The following XIRP2 variants were observed in gnomAD, a reference collection of about 807,000 sequenced individuals.
The protein encoded by XIRP2 is xin actin-binding repeat-containing protein 2.
A neutral mutation model predicts 277.0 loss-of-function variants in XIRP2; 236 were observed. That is an observed-to-expected ratio of 0.85 (90% CI 0.77 to 0.95). The LOEUF (loss-of-function observed/expected upper bound fraction) is 0.95. Ranked by LOEUF, XIRP2 falls within the 40% of genes least tolerant of loss-of-function variation. XIRP2 has a pLI of 0.00. For missense variants in XIRP2, 4,640 were observed against 4,157.5 expected (o/e 1.12, Z -3.19); for synonymous variants, 1,490 against 1,416.5 (o/e 1.05, Z -1.17).
intron 3 of XIRP2, among the ~76,000 whole-genome samples, chr2:167,178,734 A>C (rs1013045715): frequency 6.6e-6 from 1 of 152,096 alleles, no homozygotes; most frequent in East Asian, 1.9e-4. Context: ...TGGACCACTC[A>C]AATTAAACTT....
intron 2 of XIRP2, among the ~76,000 whole-genome samples, chr2:167,011,589 CAT>C (rs1156776946): frequency 1.3e-5 from 2 of 151,744 alleles, no homozygotes; most frequent in Non-Finnish European, 2.9e-5. Flanking sequence ...GGCCTCATAA[CAT>C]GAGTTAGGGA....
At chr2:167,081,280 A>G (rs1232275043) in intron 2 of XIRP2, among the ~76,000 whole-genome samples, 1 of 152,112 alleles carries the variant, frequency 6.6e-6, no homozygotes, top group African/African-American at 2.4e-5. Flanking sequence ...AGCCTGGGCA[A>G]CACAGCAAGA....
chr2:167,027,353 A>G (rs1029036598), intron 2 of XIRP2, among the ~76,000 whole-genome samples: 11 of 152,096 alleles, frequency 7.2e-5, no homozygotes, highest in African/African-American at 2.2e-4. Flanking sequence ...TTTCAGCTCC[A>G]TCATCTCCTT....
chr2:166,895,704 T>C (rs1407759759), intron 1 of XIRP2, among the ~76,000 whole-genome samples: 1 of 152,190 alleles, frequency 6.6e-6, no homozygotes, highest in African/African-American at 2.4e-5. Context: ...CGTTACCCTC[T>C]GTTCATTCAT....
intron 2 of XIRP2, among the ~76,000 whole-genome samples, chr2:166,923,223 G>A (rs1041376879): frequency 4.6e-5 from 7 of 152,036 alleles, no homozygotes; most frequent in African/African-American, 1.7e-4. Flanking sequence ...AAAAGTAACT[G>A]TAAAGTTACA....
rs149693564 is a variant in XIRP2 at position 166,895,942 on chromosome 2, G to A, written c.-19+7385G>A. Among the ~76,000 whole-genome samples the A allele has an allele frequency of 2.3e-3, 349 of 152,198 alleles. 2 individuals carry two copies. The highest frequency in any genetic ancestry group is 3.5e-3 in the Non-Finnish European group (236 of 67,994). ...ATAGATATACTAAGAAGAAAACAGA[G>A]GCTTGCCTTTTACAATTAGTGGATT... On this transcript the variant is annotated intron_variant, in intron 1 of 10. Transcript: ENST00000409195.
chr2:167,210,740 G>C lies in XIRP2; in HGVS notation c.568G>C (p.Ala190Pro). 2 of 1,614,152 alleles carry C rather than the reference G, an allele frequency of 1.2e-6. No homozygotes were observed. Among genetic ancestry groups the C allele is most frequent in the South Asian group, 1.1e-5 (1 of 91,076 alleles). ...CATGCTCTGTTTGCTTTCAGCGACT[G>C]CTGGCCCTAATAAGCCTGAGAGTGG... is the stretch of plus-strand genomic sequence containing the variant. ...SGHSRIFEAT[A>P]GPNKPESGFA... is the part of the protein sequence containing the mutation. The change falls in exon 4 of 11, where the codon GCT becomes CCT. Residue 190 changes from alanine to proline, a missense_variant. Coordinates refer to ENST00000409195, the MANE Select transcript of XIRP2 (RefSeq NM_152381.6).
Position 167,244,174 on chromosome 2 carries a change from A to G in XIRP2, c.2782A>G (p.Lys928Glu), listed in dbSNP as rs200324994. Residue 928 changes from lysine to glutamate, a missense_variant, in exon 9 of 11, where the codon AAA becomes GAA. Lys to Glu is a moderately conservative substitution (Grantham distance 56). Transcript: ENST00000409195. The stretch of plus-strand genomic sequence containing the variant: ...ACCTCTGGAAGACATTAGAAAAGAT[A>G]AAAAGGAGTACACACGAACAGTGAA... Reference protein sequence around the residue: ...TQPLEDIRKDKKEYTRTVKLE... With the variant: ...TQPLEDIRKDEKEYTRTVKLE... The G allele has an allele frequency of 7.8e-5, 126 of 1,613,702 alleles. No individual in the cohort carries two copies. The highest frequency in any genetic ancestry group is 8.6e-5 in the Non-Finnish European group (102 of 1,179,874).
In XIRP2 at chr2:167,247,836, A is replaced by C. The variant is rs2105442710; in HGVS notation, c.6444A>C (p.Lys2148Asn). The C allele has an allele frequency of 1.2e-6, 2 of 1,613,490 alleles. No individual in the cohort carries two copies. Among genetic ancestry groups the C allele is most frequent in the South Asian group, 2.2e-5 (2 of 91,032 alleles). Residue 2148 changes from lysine to asparagine, a missense_variant, in exon 9 of 11, where the codon AAA (lysine) becomes AAC (asparagine). Transcript: ENST00000409195. The part of the protein sequence containing the change: ...GFHIKSPKKT[K>N]NIKILTDTQS... The stretch of plus-strand genomic sequence containing the variant: ...ATATAAAGAGTCCTAAAAAGACCAA[A>C]AATATTAAAATATTAACTGATACAC...
intron 2 of XIRP2, among the ~76,000 whole-genome samples, chr2:167,096,817 A>C (rs778208219): frequency 1.3e-5 from 2 of 152,152 alleles, no homozygotes; most frequent in Non-Finnish European, 2.9e-5. Flanking sequence ...GTAGTCACTC[A>C]GGAGCAGGTT....
At position 167,246,964 on chromosome 2, in the gene XIRP2, A is replaced by G. The variant is rs1695291352; in HGVS notation, c.5572A>G (p.Thr1858Ala). Residue 1858 changes from threonine (T) to alanine (A), a missense_variant, in exon 9 of 11, where the codon ACG (threonine) becomes GCG (alanine). Thr to Ala is a moderately conservative substitution (Grantham distance 58). Transcript: ENST00000409195. ...CCAGGCTGTAAATCAGAAAACAGTGACGAAAACAGAAGAAATTATAAAAGG... is the reference window on the plus strand; with the variant it reads ...CCAGGCTGTAAATCAGAAAACAGTGGCGAAAACAGAAGAAATTATAAAAGG... ...LSQAVNQKTV[T>A]KTEEIIKGNM... 1.2e-6 allele frequency: 2 copies of G among 1,613,608 alleles called. No individual in the cohort carries two copies. Among genetic ancestry groups the G allele is most frequent in the Non-Finnish European group, 1.7e-6 (2 of 1,179,776 alleles).
At chr2:166,936,411 G>C (rs1685502742) in intron 2 of XIRP2, among the ~76,000 whole-genome samples, 1 of 152,182 alleles carries the variant, frequency 6.6e-6, no homozygotes, top group Non-Finnish European at 1.5e-5. Flanking sequence ...AAGCTCTTTA[G>C]TTTAATTAGA....
chr2:166,894,689 G>A (rs1684196006), intron 1 of XIRP2, among the ~76,000 whole-genome samples: 1 of 152,072 alleles, frequency 6.6e-6, no homozygotes, highest in Non-Finnish European at 1.5e-5. Context: ...AATGTTAATT[G>A]AGCCCCAATT....
intron 3 of XIRP2, among the ~76,000 whole-genome samples, chr2:167,160,322 C>G (rs776707425): frequency 3.9e-5 from 6 of 152,142 alleles, no homozygotes; most frequent in Non-Finnish European, 7.4e-5. Flanking sequence ...ATTTTTTATT[C>G]TATGGATGTG....
chr2:167,002,305 A>T (rs2105457162), intron 2 of XIRP2, among the ~76,000 whole-genome samples: 1 of 152,202 alleles, frequency 6.6e-6, no homozygotes, highest in Admixed American at 6.6e-5. Context: ...AGTTTTACAA[A>T]TTCATCATGT....
rs115609598 is a variant in XIRP2 at position 166,924,190 on chromosome 2, A to G, written c.408+20300A>G. Among the ~76,000 whole-genome samples the G allele has an allele frequency of 4.2e-3, 640 of 152,190 alleles. 5 individuals are homozygous for G. Among genetic ancestry groups the G allele is most frequent in the African/African-American group, 0.014 (590 of 41,542 alleles). On this transcript the variant is annotated intron_variant, in intron 2 of 10. Coordinates refer to ENST00000409195, the MANE Select transcript of XIRP2 (RefSeq NM_152381.6). ...GGAGATCCACTTGGGAGTTCCTGCA[A>G]CTATAACAGAGACAGAAAACATTGA...
intron 3 of XIRP2, among the ~76,000 whole-genome samples, chr2:167,149,558 G>A (rs972919249): frequency 6.6e-6 from 1 of 152,058 alleles, no homozygotes; most frequent in African/African-American, 2.4e-5. Flanking sequence ...TTAGTACTTA[G>A]GCAATAGTCT....
At chr2:167,072,617 A>G (rs1196538145) in intron 2 of XIRP2, among the ~76,000 whole-genome samples, 1 of 152,168 alleles carries the variant, frequency 6.6e-6, no homozygotes, top group Non-Finnish European at 1.5e-5. Context: ...GGCACTCAAT[A>G]AATACTTCAT....
Position 167,259,315 on chromosome 2 carries a change from G to C in XIRP2, c.*1498G>C. The stretch of plus-strand genomic sequence containing the variant: ...TGGAGGTGCAGTCAGAACAACTCAC[G>C]GTGGAAGAGCAGATTAAAAGAAACA... On this transcript the variant is annotated 3_prime_UTR_variant, in exon 11 of 11. Coordinates refer to ENST00000409195, the MANE Select transcript of XIRP2 (RefSeq NM_152381.6). The C allele has an allele frequency of 1.2e-6, 2 of 1,612,244 alleles. No homozygotes were observed. The highest frequency in any genetic ancestry group is 8.5e-7 in the Non-Finnish European group (1 of 1,179,280).
Sources: gnomAD v4.1 joint callset for allele counts (sites outside exome capture counted in the v4.1 genomes callset) on GRCh38, gnomAD v4.1.1 for gene constraint, MANE v1.5 for transcripts, NCBI Gene and HGNC (gene_info 2026-07-23, HGNC 2026-07-21) for gene names.